Variants in PDE4D observed in about 807,000 individuals in gnomAD.
PDE4D encodes 3',5'-cyclic-AMP phosphodiesterase 4D.
In PDE4D, 24 loss-of-function variants were observed where a neutral mutation model predicts 87.4. The observed-to-expected ratio is 0.27, with a 90% CI of 0.20 to 0.39. PDE4D has a LOEUF of 0.39. Ranked by LOEUF, PDE4D falls within the 10% of genes least tolerant of loss-of-function variation. The pLI is 1.00. For synonymous variants in PDE4D, 384 were observed against 383.2 expected, an observed-to-expected ratio of 1.00 and a Z score of -0.02; for missense variants, 714 against 1,041.0, an observed-to-expected ratio of 0.69 and a Z score of 4.32.
chr5:59,823,919 A>G (rs1184603991), intron 1 of PDE4D, among the ~76,000 whole-genome samples: 1 of 150,826 alleles, frequency 6.6e-6, no homozygotes, highest in Non-Finnish European at 1.5e-5. Context: ...GCAAAATTGC[A>G]TTTCAGAAAA....
chr5:60,143,422 T>G (rs1780707595), intron 2 of PDE4D, among the ~76,000 whole-genome samples: 2 of 152,178 alleles, frequency 1.3e-5, no homozygotes, highest in South Asian at 4.1e-4. Context: ...ACTTACACAT[T>G]AGACACACAT....
At chr5:60,406,694 A>ACCAG (rs1206114356) in intron 1 of PDE4D, among the ~76,000 whole-genome samples, 1 of 152,222 alleles carries the variant, frequency 6.6e-6, no homozygotes, top group Admixed American at 6.5e-5. Context: ...TCTTTATTTT[A>ACCAG]TTCCAGGCTG....
intron 6 of PDE4D, among the ~76,000 whole-genome samples, chr5:59,022,580 C>T (rs936562518): frequency 2.6e-5 from 4 of 152,166 alleles, no homozygotes; most frequent in Non-Finnish European, 5.9e-5. Flanking sequence ...TTTTATCCCT[C>T]CATCCCACCT....
At chr5:59,081,518 T>TTAAAAAAAAAAAAAA (rs56306218) in intron 5 of PDE4D, among the ~76,000 whole-genome samples, 1 of 135,436 alleles carries the variant, frequency 7.4e-6, no homozygotes, top group Non-Finnish European at 1.6e-5. Flanking sequence ...AGTAATCAGG[T>TTAAAAAAAAAAAAAA]AAAAAAAAAA....
In PDE4D at chr5:59,988,520, C is replaced by T. The variant is rs113747615; in HGVS notation, c.240G>A (p.Pro80=). 184 of 1,598,812 alleles carry T rather than the reference C, an allele frequency of 1.2e-4. 4 individuals carry two copies. In the African/African-American group the frequency reaches 1.8e-3, roughly 15 times the overall value. ...ATTCTGCAGAAGTGATAGCAATCAG[C>T]GGCAGAATCTTCAGGGGGAGGCTGG... The change falls in exon 3 of 17, where the codon CCG becomes CCA. Residue 80 remains proline (P), a synonymous_variant. Transcript: ENST00000502484.
At chr5:60,239,445 A>C (rs893918188) in intron 1 of PDE4D, among the ~76,000 whole-genome samples, 1 of 152,142 alleles carries the variant, frequency 6.6e-6, no homozygotes, top group Admixed American at 6.6e-5. Flanking sequence ...AATCAGATTG[A>C]TCAGATTGTC....
At chr5:59,544,094 T>C (rs572241382) in intron 1 of PDE4D, among the ~76,000 whole-genome samples, 1 of 152,248 alleles carries the variant, frequency 6.6e-6, no homozygotes, top group South Asian at 2.1e-4. Context: ...AACTGGGGCA[T>C]GCAGACCATA....
intron 1 of PDE4D, among the ~76,000 whole-genome samples, chr5:59,550,535 T>A (rs910997233): frequency 6.6e-6 from 1 of 152,170 alleles, no homozygotes; most frequent in Non-Finnish European, 1.5e-5. Context: ...TTTGACTTTG[T>A]TTTTTAATCT....
intron 1 of PDE4D, among the ~76,000 whole-genome samples, chr5:60,284,476 T>C (rs7731452): frequency 0.22 from 33,198 of 151,890 alleles, 5,155 homozygotes; most frequent in African/African-American, 0.44. Flanking sequence ...ACCGTAACAC[T>C]AAAGTCCTAA....
At chr5:60,040,930 A>G (rs1206931519) in intron 2 of PDE4D, among the ~76,000 whole-genome samples, 1 of 152,208 alleles carries the variant, frequency 6.6e-6, no homozygotes, top group Non-Finnish European at 1.5e-5. Context: ...TGTTGAAAAC[A>G]AAACTCTCCT....
intron 2 of PDE4D, among the ~76,000 whole-genome samples, chr5:60,154,520 C>T (rs573861298): frequency 7.2e-5 from 11 of 152,244 alleles, no homozygotes; most frequent in South Asian, 2.1e-4. Context: ...ATGATCCATC[C>T]GCCTCAGCCC....
chr5:59,676,694 G>C (rs1748146652), intron 1 of PDE4D, among the ~76,000 whole-genome samples: 1 of 152,100 alleles, frequency 6.6e-6, no homozygotes, highest in Non-Finnish European at 1.5e-5. Context: ...CATAATAATT[G>C]TACGTAGGGA....
intron 1 of PDE4D, among the ~76,000 whole-genome samples, chr5:59,814,149 C>T (rs1477283756): frequency 6.6e-6 from 1 of 152,060 alleles, no homozygotes; most frequent in Non-Finnish European, 1.5e-5. Context: ...TCCTTCCTGG[C>T]ACTAGGGGGC....
At chr5:60,086,161 A>T (rs1024585717) in intron 2 of PDE4D, among the ~76,000 whole-genome samples, 2 of 152,218 alleles carry the variant, frequency 1.3e-5, no homozygotes, top group African/African-American at 4.8e-5. Context: ...TTGATGATTT[A>T]TGTTAAGAAA....
At chr5:59,792,787 G>A (rs1034414486) in intron 1 of PDE4D, among the ~76,000 whole-genome samples, 1 of 152,178 alleles carries the variant, frequency 6.6e-6, no homozygotes, top group Admixed American at 6.5e-5. Flanking sequence ...AAAGGCCCTT[G>A]ATCTGCAGAG....
At chr5:59,877,831 G>T (rs1006415328) in intron 1 of PDE4D, among the ~76,000 whole-genome samples, 1 of 151,844 alleles carries the variant, frequency 6.6e-6, no homozygotes, top group African/African-American at 2.4e-5. Context: ...AAAAGAGAAA[G>T]AAAAGTTTAG....
At chr5:60,475,686 C>A (rs1452603331) in intron 1 of PDE4D, among the ~76,000 whole-genome samples, 1 of 151,920 alleles carries the variant, frequency 6.6e-6, no homozygotes, top group Non-Finnish European at 1.5e-5. Context: ...TCTAAGGAGA[C>A]AGTAGTGTAC....
intron 1 of PDE4D, among the ~76,000 whole-genome samples, chr5:59,393,612 A>G (rs1788681996): frequency 6.6e-6 from 1 of 152,224 alleles, no homozygotes; most frequent in Admixed American, 6.5e-5. Flanking sequence ...ATATTTAGGG[A>G]CGTTCCTCTT....
chr5:59,172,037 T>A (rs1326877326), intron 5 of PDE4D, among the ~76,000 whole-genome samples: 4 of 7,892 alleles, frequency 5.1e-4, no homozygotes, highest in Non-Finnish European at 8.4e-4. Flanking sequence ...AAATATATAT[T>A]ATATATATAA....
Sources: allele counts gnomAD v4.1 joint callset (sites outside exome capture counted in the v4.1 genomes callset), GRCh38; gene constraint gnomAD v4.1.1; transcripts MANE v1.5; gene names NCBI Gene and HGNC (gene_info 2026-07-23, HGNC 2026-07-21).